The following CYP7B1 variants were observed in gnomAD, a reference collection of about 807,000 sequenced individuals.
The protein encoded by CYP7B1 is cytochrome P450 family 7 subfamily B member 1, also known as cytochrome P450 7B1.
Under a neutral mutation model 42.7 loss-of-function variants are expected in CYP7B1, and 29 were observed. The ratio of observed to expected loss-of-function variants is 0.68; its 90% CI spans 0.51 to 0.93. CYP7B1 has a LOEUF of 0.93. CYP7B1 is among the 40% of genes least tolerant of loss of function. The pLI is 0.00. For missense variants in CYP7B1, 655 were observed against 600.5 expected, an observed-to-expected ratio of 1.09 and a Z score of -0.95; for synonymous variants, 235 against 218.2, an observed-to-expected ratio of 1.08 and a Z score of -0.68.
intron 2 of CYP7B1, among the ~76,000 whole-genome samples, chr8:64,621,571 T>C (rs537697073): frequency 1.3e-5 from 2 of 152,240 alleles, no homozygotes; most frequent in African/African-American, 4.8e-5. Context: ...GGTGCATTCA[T>C]GGTGTGTGAA....
chr8:64,603,138 G>A (rs2129629906), intron 5 of CYP7B1, among the ~76,000 whole-genome samples: 1 of 152,230 alleles, frequency 6.6e-6, no homozygotes, highest in African/African-American at 2.4e-5. Flanking sequence ...TTGCAATTTT[G>A]TTCTGCCACA....
At position 64,750,661 on chromosome 8, in the gene CYP7B1, T is replaced by G. The variant is rs1287847075; in HGVS notation, c.122+47805A>C. Among the ~76,000 whole-genome samples, 3 of 152,184 alleles carry G rather than the reference T, an allele frequency of 2.0e-5. No individual in the cohort carries two copies. In the East Asian group the frequency reaches 5.8e-4, roughly 29 times the overall value. On this transcript the variant is annotated intron_variant, in intron 1 of 5. Coordinates refer to ENST00000310193, the MANE Select transcript of CYP7B1 (RefSeq NM_004820.5). ...AGCAGGAGAGGGAACCAAGCTTTTC[T>G]GGAGTGTTATCAAGGGGAAATGTGA...
intron 1 of CYP7B1, among the ~76,000 whole-genome samples, chr8:64,689,728 C>G (rs1179814351): frequency 6.6e-6 from 1 of 151,948 alleles, no homozygotes; most frequent in African/African-American, 2.4e-5. Context: ...CACTACTGCC[C>G]GGCAAATTTT....
In CYP7B1 at chr8:64,623,876, G is replaced by A. The variant is rs1336719999; in HGVS notation, c.259+527C>T. ...CATTATACATTTGTGAAAACCCAAC[G>A]AACTACACAATACAAAGAGTACACT... On this transcript the variant is annotated intron_variant, in intron 2 of 5. Coordinates refer to ENST00000310193, the MANE Select transcript of CYP7B1 (RefSeq NM_004820.5). 3.3e-5 allele frequency among the ~76,000 whole-genome samples: 5 copies of A among 151,926 alleles called. No individual in the cohort carries two copies. The South Asian group carries it at 6.2e-4, about 19-fold the overall frequency.
chr8:64,591,251 C>T lies in CYP7B1; in HGVS notation c.*5391G>A, dbSNP rs1585792224. 1.3e-5 allele frequency among the ~76,000 whole-genome samples: 2 copies of T among 152,126 alleles called. No individual in the cohort carries two copies. The highest frequency in any genetic ancestry group is 6.5e-5 in the Admixed American group (1 of 15,276). On this transcript the variant is annotated 3_prime_UTR_variant, in exon 6 of 6. Transcript: ENST00000310193. ...GAGTAATAATTACTTTAGATAAATA[C>T]TAAAGAGTTTTATGTGATCATTCAT...
At chr8:64,633,872 C>G (rs973259116) in intron 1 of CYP7B1, among the ~76,000 whole-genome samples, 1 of 152,084 alleles carries the variant, frequency 6.6e-6, no homozygotes, top group African/African-American at 2.4e-5. Flanking sequence ...CCATAAGAAA[C>G]AAGAGAGTGT....
chr8:64,665,165 G>C (rs1466569891), intron 1 of CYP7B1, among the ~76,000 whole-genome samples: 1 of 152,166 alleles, frequency 6.6e-6, no homozygotes, highest in Non-Finnish European at 1.5e-5. Context: ...GTCAGGTTCT[G>C]TATGCAGTAC....
intron 5 of CYP7B1, among the ~76,000 whole-genome samples, chr8:64,597,572 GCT>G (rs1425584768): frequency 6.6e-6 from 1 of 152,188 alleles, no homozygotes; most frequent in Non-Finnish European, 1.5e-5. Flanking sequence ...ATTAAAATCA[GCT>G]CTCTGAGTTT....
At chr8:64,589,451 C>T (rs900791514), downstream of CYP7B1, among the ~76,000 whole-genome samples, 3 of 152,126 alleles carry the variant, frequency 2.0e-5, no homozygotes, top group Non-Finnish European at 4.4e-5. Flanking sequence ...ACTTATAAAA[C>T]ATTCAATGAT....
intron 1 of CYP7B1, among the ~76,000 whole-genome samples, chr8:64,724,236 T>C (rs528299731): frequency 6.6e-6 from 1 of 151,926 alleles, no homozygotes; most frequent in Non-Finnish European, 1.5e-5. Flanking sequence ...GCCTCCTGGG[T>C]TCAAGAGATT....
At chr8:64,636,977 C>T (rs1479696837) in intron 1 of CYP7B1, among the ~76,000 whole-genome samples, 1 of 152,278 alleles carries the variant, frequency 6.6e-6, no homozygotes, top group Non-Finnish European at 1.5e-5. Context: ...ATTCCATTAA[C>T]TCATAATTTC....
intron 1 of CYP7B1, among the ~76,000 whole-genome samples, chr8:64,682,253 A>C (rs560198740): frequency 6.6e-6 from 1 of 152,268 alleles, no homozygotes; most frequent in East Asian, 1.9e-4. Flanking sequence ...GGAGTCGTGG[A>C]TTGTGAAAGA....
chr8:64,616,450 GA>G (rs1261672949), intron 2 of CYP7B1, among the ~76,000 whole-genome samples, 169 bp from the exon 3 acceptor site: 8 of 152,116 alleles, frequency 5.3e-5, no homozygotes, highest in Admixed American at 5.2e-4. Context: ...TGTTTCCTTT[GA>G]AAGATGGTGG....
chr8:64,698,332 A>G (rs187418873), intron 1 of CYP7B1, among the ~76,000 whole-genome samples: 1 of 150,226 alleles, frequency 6.7e-6, no homozygotes, highest in Non-Finnish European at 1.5e-5. Flanking sequence ...CTCCAGCAGC[A>G]GGGGGGGGAA....
intron 1 of CYP7B1, among the ~76,000 whole-genome samples, chr8:64,668,887 A>T (rs1227995927): frequency 6.6e-6 from 1 of 152,120 alleles, no homozygotes; most frequent in Non-Finnish European, 1.5e-5. Context: ...AATGTTCTCT[A>T]TCCAAGGCCA....
intron 2 of CYP7B1, among the ~76,000 whole-genome samples, chr8:64,616,708 G>T (rs572018026): frequency 6.6e-6 from 1 of 152,126 alleles, no homozygotes; most frequent in African/African-American, 2.4e-5. Flanking sequence ...TTCATGCTTA[G>T]GTGTCATCTG....
chr8:64,641,039 C>T (rs77404354), intron 1 of CYP7B1, among the ~76,000 whole-genome samples: 2,198 of 152,296 alleles, frequency 0.014, 24 homozygotes, highest in Non-Finnish European at 0.023. Context: ...GGGAGTTTGG[C>T]ACTTAGCCAT....
At chr8:64,764,857 C>G (rs1171722657) in intron 1 of CYP7B1, among the ~76,000 whole-genome samples, 2 of 151,836 alleles carry the variant, frequency 1.3e-5, no homozygotes, top group African/African-American at 4.8e-5. Context: ...TAACATTAAC[C>G]ACTGAAAAAT....
chr8:64,749,862 T>C (rs1807702104), intron 1 of CYP7B1, among the ~76,000 whole-genome samples: 1 of 152,126 alleles, frequency 6.6e-6, no homozygotes, highest in South Asian at 2.1e-4. Flanking sequence ...TCAATATCTC[T>C]AGGGGAAAAT....
Sources: allele counts gnomAD v4.1 joint callset (sites outside exome capture counted in the v4.1 genomes callset), GRCh38; gene constraint gnomAD v4.1.1; transcripts MANE v1.5; gene names NCBI Gene and HGNC (gene_info 2026-07-23, HGNC 2026-07-21).